The following ERI1 variants were observed in gnomAD, a reference collection of about 807,000 sequenced individuals.
ERI1 encodes exoribonuclease 1.
In ERI1, 39 loss-of-function variants were observed where a neutral mutation model predicts 39.7. That is an observed-to-expected ratio of 0.98 (90% CI 0.76 to 1.28). ERI1 has a LOEUF of 1.28. ERI1 is among the 50% of genes most tolerant of loss of function. The pLI is 0.00. For synonymous variants in ERI1, 204 were observed against 149.6 expected (o/e 1.36, Z -2.65); for missense variants, 581 against 416.9 (o/e 1.39, Z -3.43).
Position 9,052,647 on chromosome 8 carries a change from T to C in ERI1, n.299+32183T>C, listed in dbSNP as rs570342925. Among the ~76,000 whole-genome samples the C allele has an allele frequency of 8.7e-4, 132 of 152,326 alleles. 1 individual carries two copies. In the South Asian group the frequency reaches 0.027, roughly 31 times the overall value. ...TTAAATATGTTAACTTCAGGATACA[T>C]TTAGGGAAACTGCAATCAAGAGATT... is the stretch of plus-strand genomic sequence containing the variant. On this transcript the variant is annotated intron_variant and non_coding_transcript_variant, in intron 3 of 3. Coordinates refer to the ERI1 transcript ENST00000518663.
chr8:9,092,531 G>A (rs1254846268), intron 3 of ERI1, among the ~76,000 whole-genome samples: 1 of 152,166 alleles, frequency 6.6e-6, no homozygotes, highest in Non-Finnish European at 1.5e-5. Flanking sequence ...AACAGATAGG[G>A]AACATCACTG....
At chr8:9,029,625 C>T (rs1797443018) in intron 6 of ERI1, among the ~76,000 whole-genome samples, 167 bp from the exon 7 acceptor site, 1 of 152,184 alleles carries the variant, frequency 6.6e-6, no homozygotes, top group Non-Finnish European at 1.5e-5. Context: ...GCCACCTTGC[C>T]TGGCCTGAAT....
intron 6 of ERI1, among the ~76,000 whole-genome samples, chr8:9,025,421 T>C (rs545208012): frequency 2.6e-5 from 4 of 152,392 alleles, no homozygotes; most frequent in East Asian, 1.9e-4. Flanking sequence ...AGCTGATTCA[T>C]GTGATGAAAA....
rs111384798 is a variant in ERI1, at chr8:9,023,953, C to G, written c.807+3489C>G. 8.6e-3 allele frequency among the ~76,000 whole-genome samples: 1,313 copies of G among 152,018 alleles called. 19 individuals are homozygous for G. Among genetic ancestry groups the G allele is most frequent in the African/African-American group, 0.03 (1,235 of 41,456 alleles). On this transcript the variant is annotated intron_variant, in intron 6 of 6. Coordinates refer to ENST00000250263, the MANE Select transcript of ERI1 (RefSeq NM_153332.4). ...AGCTGGGATTACAGGCATGTGCCAC[C>G]ACGTCTGGCTGATTTTTTTGTATTT...
rs182421680 is a variant in ERI1, at chr8:9,011,241, A to G, written c.288-301A>G. ...AAGGCAGTATGACGACTGTGTTGGT[A>G]GTATATGCTGACAGTGTTTATGGTT... On this transcript the variant is annotated intron_variant, in intron 2 of 6. Transcript: ENST00000250263. 3.9e-5 allele frequency among the ~76,000 whole-genome samples: 6 copies of G among 152,314 alleles called. No individual in the cohort carries two copies. The East Asian group carries it at 9.6e-4, about 24-fold the overall frequency.
At chr8:9,029,739 A>G (rs1797451540) in intron 6 of ERI1, 53 bp from the exon 7 acceptor site, 18 of 1,600,664 alleles carry the variant, frequency 1.1e-5, no homozygotes, top group Non-Finnish European at 1.5e-5. Flanking sequence ...ACTGTGGCTT[A>G]TATTACAGTT....
In ERI1 at chr8:9,030,993, A is replaced by G. The variant is rs768540844; in HGVS notation, c.*959A>G. On this transcript the variant is annotated 3_prime_UTR_variant, in exon 7 of 7. Transcript: ENST00000250263. ...TTGTTTTTCTGATTTTACATAGTAA[A>G]TGGCTGCTAAGTATTGAGTAATTCT... 2 of 152,328 alleles carry G rather than the reference A, an allele frequency of 1.3e-5. No homozygotes were observed. The highest frequency in any genetic ancestry group is 2.4e-5 in the African/African-American group (1 of 41,576). The allele number at this position is 152,328 out of a possible 1,614,324, so 9.4% of individuals were successfully genotyped here. A position where few individuals can be genotyped will look rare whatever the true frequency, so the allele number is the denominator to read the frequency against.
At chr8:9,071,998 C>T (rs1242139017) in intron 3 of ERI1, among the ~76,000 whole-genome samples, 10 of 152,064 alleles carry the variant, frequency 6.6e-5, no homozygotes, top group Non-Finnish European at 4.4e-5. Flanking sequence ...CCTGGGAGGT[C>T]GAGGCTGCAG....
intron 3 of ERI1, among the ~76,000 whole-genome samples, chr8:9,045,177 A>G (rs1269141124): frequency 1.4e-5 from 2 of 146,210 alleles, no homozygotes; most frequent in Non-Finnish European, 3.0e-5. Flanking sequence ...TGGAGCTTGC[A>G]GTGAGCAGAG....
chr8:9,066,344 C>A (rs1798878828), intron 3 of ERI1, among the ~76,000 whole-genome samples: 1 of 152,184 alleles, frequency 6.6e-6, no homozygotes, highest in South Asian at 2.1e-4. Flanking sequence ...AGATGGATGT[C>A]TGTGACACAG....
At chr8:9,010,488 G>A (rs972521621) in intron 2 of ERI1, among the ~76,000 whole-genome samples, 13 of 151,950 alleles carry the variant, frequency 8.6e-5, no homozygotes, top group Non-Finnish European at 1.6e-4. Context: ...AAAGCTAACT[G>A]GTTGATTATT....
At chr8:9,069,252 C>T (rs1289965847) in intron 3 of ERI1, among the ~76,000 whole-genome samples, 1 of 152,212 alleles carries the variant, frequency 6.6e-6, no homozygotes, top group African/African-American at 2.4e-5. Context: ...AGGATCTTTT[C>T]ACTTGAATCC....
intron 3 of ERI1, among the ~76,000 whole-genome samples, chr8:9,087,065 G>A (rs1486942507): frequency 1.3e-5 from 2 of 151,516 alleles, no homozygotes; most frequent in Non-Finnish European, 2.9e-5. Flanking sequence ...TAAGTTCCAG[G>A]ATACATGTGC....
At chr8:9,059,479 C>G (rs1364590832) in intron 3 of ERI1, among the ~76,000 whole-genome samples, 1 of 151,578 alleles carries the variant, frequency 6.6e-6, no homozygotes, top group African/African-American at 2.4e-5. Context: ...GAGAGAGAAG[C>G]TGAAGGAAGA....
chr8:9,096,853 T>C (rs1202367100), intron 3 of ERI1: 1 of 151,884 alleles, frequency 6.6e-6, no homozygotes, highest in Non-Finnish European at 1.5e-5. Flanking sequence ...AAATGCTGGA[T>C]TACAGGCGTG....
rs894941490 is a variant in ERI1 at position 9,095,732 on chromosome 8, G to A, written n.300-20616G>A. 2.0e-5 allele frequency among the ~76,000 whole-genome samples: 3 copies of A among 151,976 alleles called. No homozygotes were observed. The East Asian group carries it at 5.8e-4, about 29-fold the overall frequency. On this transcript the variant is annotated intron_variant and non_coding_transcript_variant, in intron 3 of 3. Coordinates refer to the ERI1 transcript ENST00000518663. ...AATGGGGTTTCACCATGTTGCCCAC[G>A]CTGGCCTTGAACTCCTGGGCTCAAG...
At chr8:9,087,427 T>G (rs1320074965) in intron 3 of ERI1, among the ~76,000 whole-genome samples, 2 of 49,846 alleles carry the variant, frequency 4.0e-5, no homozygotes, top group East Asian at 5.7e-4. Flanking sequence ...TTTTTTTTTT[T>G]TTTTTTTTGA....
intron 3 of ERI1, among the ~76,000 whole-genome samples, chr8:9,091,873 TC>T (rs1335243139): frequency 2.8e-4 from 43 of 151,840 alleles, no homozygotes; most frequent in African/African-American, 1.0e-3. Flanking sequence ...CTAAATGCCC[TC>T]TAAAAAGACC....
intron 1 of ERI1, chr8:9,004,338 A>G (rs1815722770): frequency 9.3e-7 from 1 of 1,074,796 alleles, no homozygotes; most frequent in Non-Finnish European, 1.2e-6. Context: ...TATTTTTAGT[A>G]AAAGAAGTGT....
Sources: gnomAD v4.1 joint callset for allele counts (sites outside exome capture counted in the v4.1 genomes callset) on GRCh38, gnomAD v4.1.1 for gene constraint, MANE v1.5 for transcripts, NCBI Gene and HGNC (gene_info 2026-07-23, HGNC 2026-07-21) for gene names.